FGF14: variants seen among roughly 807,000 people sequenced by gnomAD.
The protein encoded by FGF14 is fibroblast growth factor homologous factor 4.
A neutral mutation model predicts 25.5 loss-of-function variants in FGF14; 5 were observed. The observed-to-expected ratio is 0.20, with a 90% CI of 0.10 to 0.41. FGF14 has a LOEUF of 0.41. Ranked by LOEUF, FGF14 falls within the 10% of genes least tolerant of loss-of-function variation. The probability of loss-of-function intolerance (pLI) is 1.00; values close to 1 mark genes in which losing one functional copy is unlikely to be tolerated. For synonymous variants in FGF14, 138 were observed against 118.3 expected (o/e 1.17, Z -1.08); for missense variants, 222 against 320.1 (o/e 0.69, Z 2.34).
At chr13:102,022,634 A>G (rs1418361262) in intron 1 of FGF14, among the ~76,000 whole-genome samples, 1 of 152,100 alleles carries the variant, frequency 6.6e-6, no homozygotes, top group Non-Finnish European at 1.5e-5. Context: ...ATTCAGTTTA[A>G]TAGCCAATGA....
chr13:102,020,950 C>T (rs775164542), intron 1 of FGF14, among the ~76,000 whole-genome samples: 7 of 151,370 alleles, frequency 4.6e-5, no homozygotes, highest in East Asian at 3.9e-4. Context: ...AGAATGGCCT[C>T]GCAGGGAAAA....
chr13:101,801,647 C>T (rs2040876724), intron 3 of FGF14, among the ~76,000 whole-genome samples: 1 of 152,104 alleles, frequency 6.6e-6, no homozygotes, highest in South Asian at 2.1e-4. Context: ...TCTGAGAAAA[C>T]AGGTTGGTTA....
intron 1 of FGF14, among the ~76,000 whole-genome samples, chr13:101,914,906 G>T (rs1367311213): frequency 6.6e-6 from 1 of 152,168 alleles, no homozygotes; most frequent in East Asian, 1.9e-4. Context: ...AGTCATAATA[G>T]ATTGATCCTC....
intron 1 of FGF14, among the ~76,000 whole-genome samples, chr13:101,953,252 A>G (rs1360448519): frequency 6.6e-6 from 1 of 152,176 alleles, no homozygotes; most frequent in African/African-American, 2.4e-5. Context: ...TCATCTGTGC[A>G]CCAACGGTTT....
At chr13:102,206,406 C>T (rs780614310) in intron 1 of FGF14, among the ~76,000 whole-genome samples, 8 of 152,226 alleles carry the variant, frequency 5.3e-5, no homozygotes, top group African/African-American at 1.4e-4. Flanking sequence ...TCAGGCCCGG[C>T]GCAGTGGCTC....
chr13:101,957,979 G>A (rs889418549), intron 1 of FGF14, among the ~76,000 whole-genome samples: 2 of 152,118 alleles, frequency 1.3e-5, no homozygotes, highest in Non-Finnish European at 2.9e-5. Flanking sequence ...AATAAATATA[G>A]TAAATAGTAT....
intron 1 of FGF14, among the ~76,000 whole-genome samples, chr13:102,168,493 G>A (rs1479275324): frequency 1.3e-5 from 2 of 151,942 alleles, no homozygotes; most frequent in African/African-American, 2.4e-5. Context: ...TCTTTTCTTG[G>A]TACTACATTA....
chr13:101,810,067 C>T (rs1426765460), intron 3 of FGF14, among the ~76,000 whole-genome samples: 1 of 152,112 alleles, frequency 6.6e-6, no homozygotes, highest in Non-Finnish European at 1.5e-5. Context: ...TACAATTGTA[C>T]TAAGACATAA....
intron 3 of FGF14, among the ~76,000 whole-genome samples, chr13:101,816,442 C>G (rs2041855029): frequency 6.6e-6 from 1 of 151,968 alleles, no homozygotes; most frequent in South Asian, 2.1e-4. Context: ...ATACAATTGG[C>G]TAACAAATAA....
intron 1 of FGF14, among the ~76,000 whole-genome samples, chr13:102,026,922 A>C (rs2040957909): frequency 6.6e-6 from 1 of 152,024 alleles, no homozygotes; most frequent in African/African-American, 2.4e-5. Flanking sequence ...AATTCTATTA[A>C]TAGCTTGACT....
intron 1 of FGF14, among the ~76,000 whole-genome samples, chr13:102,090,298 A>G (rs539720999): frequency 8.5e-5 from 13 of 152,324 alleles, no homozygotes; most frequent in African/African-American, 2.9e-4. Flanking sequence ...TGCAAAAATA[A>G]TCTCCTAAAA....
intron 1 of FGF14, among the ~76,000 whole-genome samples, chr13:101,947,720 C>A (rs1413424731): frequency 6.6e-6 from 1 of 152,146 alleles, no homozygotes; most frequent in Non-Finnish European, 1.5e-5. Flanking sequence ...TGAAAAGCTA[C>A]CTACTGGGTA....
At chr13:102,283,587 T>C (rs2053952610) in intron 1 of FGF14, among the ~76,000 whole-genome samples, 1 of 152,236 alleles carries the variant, frequency 6.6e-6, no homozygotes, top group South Asian at 2.1e-4. Flanking sequence ...TTAGTGTAAA[T>C]TCCAACCATT....
At chr13:102,272,550 T>C (rs1270467752) in intron 1 of FGF14, among the ~76,000 whole-genome samples, 1 of 152,120 alleles carries the variant, frequency 6.6e-6, no homozygotes, top group Non-Finnish European at 1.5e-5. Flanking sequence ...TAATAATATC[T>C]AACATTTATT....
chr13:102,231,389 G>C (rs1594506499), intron 1 of FGF14, among the ~76,000 whole-genome samples: 1 of 152,270 alleles, frequency 6.6e-6, no homozygotes, highest in East Asian at 1.9e-4. Context: ...GAACAGCAGT[G>C]ACAGGAGGTG....
At position 102,163,342 on chromosome 13, in the gene FGF14, G is replaced by C. The variant is rs1206803553; in HGVS notation, c.208+238129C>G. The stretch of plus-strand genomic sequence containing the variant: ...TGTGTAATATGGTCTACCGGAAGAG[G>C]GGTTTTCCTACTTCTCTTCCATAGA... On this transcript the variant is annotated intron_variant, in intron 1 of 4. Coordinates refer to the FGF14 transcript ENST00000376131. Among the ~76,000 whole-genome samples, 5 of 152,020 alleles carry C rather than the reference G, an allele frequency of 3.3e-5. No homozygotes were observed. In the East Asian group the frequency reaches 9.7e-4, roughly 29 times the overall value.
At chr13:101,838,121 A>T (rs570071832) in intron 3 of FGF14, among the ~76,000 whole-genome samples, 1 of 151,972 alleles carries the variant, frequency 6.6e-6, no homozygotes, top group Non-Finnish European at 1.5e-5. Context: ...CCTTGTGATC[A>T]TATGAGTCAA....
chr13:102,086,197 T>A (rs2043888584), intron 1 of FGF14, among the ~76,000 whole-genome samples: 1 of 152,160 alleles, frequency 6.6e-6, no homozygotes, highest in Non-Finnish European at 1.5e-5. Context: ...TTAAATGCAA[T>A]TTGCTAATTT....
chr13:101,912,193 G>A (rs1290843584), intron 1 of FGF14, among the ~76,000 whole-genome samples: 1 of 151,972 alleles, frequency 6.6e-6, no homozygotes, highest in African/African-American at 2.4e-5. Context: ...TTTATATTAT[G>A]CATTAACTTG....
Sources: allele counts gnomAD v4.1 joint callset (sites outside exome capture counted in the v4.1 genomes callset), GRCh38; gene constraint gnomAD v4.1.1; transcripts MANE v1.5; gene names NCBI Gene and HGNC (gene_info 2026-07-23, HGNC 2026-07-21).